PHC3: variants seen among roughly 807,000 people sequenced by gnomAD.
The protein encoded by PHC3 is polyhomeotic-like protein 3.
In PHC3, 13 loss-of-function variants were observed where a neutral mutation model predicts 107.4. The ratio of observed to expected loss-of-function variants is 0.12; its 90% CI spans 0.08 to 0.19. PHC3 has a LOEUF of 0.19. PHC3 is among the 10% of genes least tolerant of loss of function. PHC3 has a pLI of 1.00. For synonymous variants in PHC3, 456 were observed against 427.4 expected (o/e 1.07, Z -0.83); for missense variants, 992 against 1,210.9 (o/e 0.82, Z 2.68).
chr3:170,127,059 T>C (rs1399780747), intron 8 of PHC3, among the ~76,000 whole-genome samples: 6 of 152,164 alleles, frequency 3.9e-5, no homozygotes, highest in Non-Finnish European at 5.9e-5. Flanking sequence ...AAATTAAAAA[T>C]TTTTTGAAGG....
At chr3:170,101,184 C>T (rs903127028) in intron 14 of PHC3, among the ~76,000 whole-genome samples, 15 of 152,204 alleles carry the variant, frequency 9.9e-5, no homozygotes, top group African/African-American at 3.4e-4. Context: ...GGCACATGCA[C>T]ATGTTTAAAA....
chr3:170,142,584 G>A (rs1577135573), intron 6 of PHC3, among the ~76,000 whole-genome samples: 1 of 152,124 alleles, frequency 6.6e-6, no homozygotes, highest in Admixed American at 6.5e-5. Context: ...ACTTGTCCAA[G>A]TCATACAATA....
chr3:170,134,752 TTAATG>T (rs1722790776), intron 7 of PHC3, among the ~76,000 whole-genome samples: 1 of 152,058 alleles, frequency 6.6e-6, no homozygotes, highest in Non-Finnish European at 1.5e-5. Context: ...GATTAAAGAG[TTAATG>T]TAAAGTACTA....
intron 7 of PHC3, among the ~76,000 whole-genome samples, chr3:170,132,787 G>C (rs953780432): frequency 6.6e-6 from 1 of 152,256 alleles, no homozygotes; most frequent in South Asian, 2.1e-4. Context: ...ACTACACAAT[G>C]AATTAATGTC....
chr3:170,173,238 G>C (rs182488852), intron 2 of PHC3, among the ~76,000 whole-genome samples: 26 of 149,300 alleles, frequency 1.7e-4, no homozygotes, highest in African/African-American at 6.1e-4. Context: ...ATTCGCAAAA[G>C]ACAGGCCAGG....
intron 10 of PHC3, 182 bp downstream of exon 10, chr3:170,117,044 C>T (rs1719145020): frequency 4.0e-6 from 3 of 752,468 alleles, no homozygotes; most frequent in Non-Finnish European, 4.1e-6. Context: ...CTAAACTTAG[C>T]TGGCATAAAA....
rs1217262374 is a variant in PHC3 at position 170,157,603 on chromosome 3, A to T, written c.415-8359T>A. Among the ~76,000 whole-genome samples, 5 of 152,314 alleles carry T rather than the reference A, an allele frequency of 3.3e-5. No individual in the cohort carries two copies. The East Asian group carries it at 9.6e-4, about 29-fold the overall frequency. The stretch of plus-strand genomic sequence containing the variant: ...ACAATGAGTTCTGAAGCCTAAAAAA[A>T]TTCCCTGAATGAGATAATAGAGGAT... On this transcript the variant is annotated intron_variant, in intron 4 of 14. Coordinates refer to ENST00000495893, the MANE Select transcript of PHC3 (RefSeq NM_024947.4).
intron 2 of PHC3, among the ~76,000 whole-genome samples, chr3:170,175,366 G>GTCAGGCGT (rs1385992569): frequency 6.6e-6 from 1 of 152,184 alleles, no homozygotes; most frequent in African/African-American, 2.4e-5. Context: ...CACATTATCA[G>GTCAGGCGT]TCAGGCGTGG....
rs1352062862 is a variant in PHC3, at chr3:170,180,623, G to A, written c.14+1079C>T. ...CAAATCACAGCATCATATGGTAACT[G>A]TTCAACATTATACAGTATTAGTGGT... is the stretch of plus-strand genomic sequence containing the variant. On this transcript the variant is annotated intron_variant, in intron 1 of 14. Coordinates refer to ENST00000495893, the MANE Select transcript of PHC3 (RefSeq NM_024947.4). Among the ~76,000 whole-genome samples, 3 of 143,640 alleles carry A rather than the reference G, an allele frequency of 2.1e-5. No homozygotes were observed. In the Admixed American group the frequency reaches 2.1e-4, roughly 10 times the overall value. The allele number at this position is 143,640 out of a possible 152,430, so 94.2% of individuals were successfully genotyped here.
At chr3:170,106,805 T>C (rs961390722) in intron 12 of PHC3, 27 bp downstream of exon 12, 1 of 1,560,958 alleles carries the variant, frequency 6.4e-7, no homozygotes, top group Non-Finnish European at 8.7e-7. Context: ...TATCTGTCCT[T>C]TGGGAAATTC....
intron 4 of PHC3, among the ~76,000 whole-genome samples, chr3:170,165,390 G>A (rs1242047898): frequency 6.6e-6 from 1 of 152,022 alleles, no homozygotes; most frequent in African/African-American, 2.4e-5. Context: ...TCCAGAACCA[G>A]GAAAACCTCA....
rs1194840108 is a variant in PHC3 at position 170,136,620 on chromosome 3, T to C, written c.718A>G (p.Ser240Gly). ...LRSQKLGVLS[S>G]SQNGPPKSTS... ...CTTTTTGGTGGACCATTCTGTGAGC[T>C]AGATAATACACCCAACTTCTGGCTG... Residue 240 changes from serine (S) to glycine (G), a missense_variant, in exon 7 of 15, where the codon AGC becomes GGC. By Grantham distance (56) the Ser-to-Gly change is moderately conservative. Coordinates refer to ENST00000495893, the MANE Select transcript of PHC3 (RefSeq NM_024947.4). The C allele has an allele frequency of 2.2e-5, 35 of 1,613,654 alleles. No individual in the cohort carries two copies. The highest frequency in any genetic ancestry group is 2.6e-5 in the Non-Finnish European group (31 of 1,179,806).
intron 9 of PHC3, among the ~76,000 whole-genome samples, chr3:170,118,351 T>C (rs2108384961): frequency 6.6e-6 from 1 of 152,276 alleles, no homozygotes; most frequent in Non-Finnish European, 1.5e-5. Flanking sequence ...GCTCAGGTGA[T>C]TCTCCCACCT....
chr3:170,123,356 T>TATACACACACACAC (rs1553787165), intron 8 of PHC3, among the ~76,000 whole-genome samples: 1 of 149,822 alleles, frequency 6.7e-6, no homozygotes, highest in Admixed American at 6.6e-5. Flanking sequence ...TTGAAATGCA[T>TATACACACACACAC]ACACACACAC....
At chr3:170,117,180 T>C in intron 10 of PHC3, 46 bp downstream of exon 10, 1 of 1,608,560 alleles carries the variant, frequency 6.2e-7, no homozygotes, top group Non-Finnish European at 8.5e-7. Context: ...TTTAAAATAA[T>C]GTTATATAAA....
chr3:170,166,601 T>C (rs1352298847), intron 4 of PHC3, among the ~76,000 whole-genome samples: 1 of 152,174 alleles, frequency 6.6e-6, no homozygotes, highest in African/African-American at 2.4e-5. Context: ...ATGGGCATAA[T>C]TATCTAGGTC....
At chr3:170,134,262 T>C (rs1472378524) in intron 7 of PHC3, among the ~76,000 whole-genome samples, 1 of 152,082 alleles carries the variant, frequency 6.6e-6, no homozygotes, top group African/African-American at 2.4e-5. Flanking sequence ...CGATTCCGGC[T>C]CACTGTAACC....
At chr3:170,173,206 AC>A (rs1729906594) in intron 2 of PHC3, among the ~76,000 whole-genome samples, 25 of 151,902 alleles carry the variant, frequency 1.6e-4, no homozygotes, top group Admixed American at 1.6e-3. Flanking sequence ...AAAAAAAAAA[AC>A]AAAACAAAAC....
chr3:170,110,834 T>G (rs1188285345), intron 11 of PHC3, among the ~76,000 whole-genome samples: 1 of 152,222 alleles, frequency 6.6e-6, no homozygotes, highest in Non-Finnish European at 1.5e-5. Context: ...ATGTTCTTCC[T>G]ATTGTGTACA....
Sources: gnomAD v4.1 joint callset for allele counts (sites outside exome capture counted in the v4.1 genomes callset) on GRCh38, gnomAD v4.1.1 for gene constraint, MANE v1.5 for transcripts, NCBI Gene and HGNC (gene_info 2026-07-23, HGNC 2026-07-21) for gene names.